The following PDE10A variants were observed in gnomAD, a reference collection of about 807,000 sequenced individuals.
PDE10A encodes the protein phosphodiesterase 10A.
A neutral mutation model predicts 97.7 loss-of-function variants in PDE10A; 39 were observed. That is an observed-to-expected ratio of 0.40 (90% confidence interval 0.31 to 0.52). The LOEUF is 0.52. Among genes scored for constraint, PDE10A ranks in the 20% least tolerant of loss-of-function variants. PDE10A has a pLI of 0.56. For missense variants in PDE10A, 731 were observed against 1,047.8 expected (o/e 0.70, Z 4.17); for synonymous variants, 371 against 376.8 (o/e 0.98, Z 0.18).
intron 1 of PDE10A, among the ~76,000 whole-genome samples, chr6:165,612,534 A>G (rs1583643558): frequency 6.6e-6 from 1 of 152,064 alleles, no homozygotes; most frequent in Non-Finnish European, 1.5e-5. Flanking sequence ...ATGTCCGGCT[A>G]ATTTTTGTAT....
At chr6:165,921,470 T>G (rs1181761047) in intron 1 of PDE10A, among the ~76,000 whole-genome samples, 1 of 152,192 alleles carries the variant, frequency 6.6e-6, no homozygotes, top group South Asian at 2.1e-4. Flanking sequence ...ATCATAAATT[T>G]TAGAATCATT....
intron 1 of PDE10A, among the ~76,000 whole-genome samples, chr6:165,796,070 G>A (rs1035832881): frequency 1.4e-5 from 2 of 147,782 alleles, no homozygotes; most frequent in Admixed American, 6.7e-5. Context: ...GCATTTGCAC[G>A]TCTTTTCTTT....
chr6:165,453,751 T>C (rs903355868), intron 3 of PDE10A, among the ~76,000 whole-genome samples: 2 of 152,194 alleles, frequency 1.3e-5, no homozygotes, highest in African/African-American at 4.8e-5. Context: ...AAGGATGTAG[T>C]AGTCAGCCTG....
intron 1 of PDE10A, among the ~76,000 whole-genome samples, chr6:165,801,658 A>G (rs1778991809): frequency 2.6e-5 from 4 of 152,132 alleles, no homozygotes; most frequent in South Asian, 2.1e-4. Context: ...CCACATTTAA[A>G]CCCTTTTCAA....
intron 1 of PDE10A, among the ~76,000 whole-genome samples, chr6:165,654,374 G>A (rs1215051629): frequency 1.4e-5 from 2 of 145,874 alleles, no homozygotes; most frequent in East Asian, 2.3e-4. Flanking sequence ...CCCAGGCCCC[G>A]CTCTCCTCCT....
At chr6:165,760,337 CA>C (rs1205824699) in intron 1 of PDE10A, among the ~76,000 whole-genome samples, 1 of 152,214 alleles carries the variant, frequency 6.6e-6, no homozygotes, top group Non-Finnish European at 1.5e-5. Context: ...TCATTTACTG[CA>C]GCCACCGAAA....
chr6:165,486,244 T>C (rs1245478741), intron 2 of PDE10A, among the ~76,000 whole-genome samples: 2 of 152,228 alleles, frequency 1.3e-5, no homozygotes, highest in Non-Finnish European at 2.9e-5. Flanking sequence ...TGCACTTTTG[T>C]TGCCAACGAA....
In PDE10A at chr6:165,346,538, C is replaced by T. The variant is rs117655055; in HGVS notation, c.2784-3036G>A. ...AACCTCAAAGAGGCGGGCACCTCTC[C>T]GCAGCGTGCATGTTTGCCTGCTAAG... On this transcript the variant is annotated intron_variant, in intron 18 of 21. Transcript: ENST00000539869. 4.7e-3 allele frequency among the ~76,000 whole-genome samples: 722 copies of T among 152,272 alleles called. 2 individuals carry two copies. The highest frequency in any genetic ancestry group is 8.9e-3 in the East Asian group (46 of 5,182).
Position 165,631,756 on chromosome 6 carries a change from A to G in PDE10A, c.865+30191T>C, listed in dbSNP as rs138474670. 3.6e-3 allele frequency among the ~76,000 whole-genome samples: 553 copies of G among 152,354 alleles called. 2 individuals carry two copies. Among genetic ancestry groups the G allele is most frequent in the African/African-American group, 0.012 (519 of 41,576 alleles). On this transcript the variant is annotated intron_variant, in intron 1 of 21. Transcript: ENST00000539869. ...GGTTGCCAAACCTGTGCAGTATGCTACAGATGCCCATCAGATATTCTATCT... is the reference window on the plus strand; with the variant it reads ...GGTTGCCAAACCTGTGCAGTATGCTGCAGATGCCCATCAGATATTCTATCT...
intron 1 of PDE10A, among the ~76,000 whole-genome samples, chr6:165,923,717 T>C (rs1320151946): frequency 6.6e-6 from 1 of 152,178 alleles, no homozygotes; most frequent in Non-Finnish European, 1.5e-5. Flanking sequence ...GAAACAGTTA[T>C]ACAATTTGGG....
chr6:165,328,361 A>T lies in PDE10A; in HGVS notation c.*4664T>A, dbSNP rs1781160860. 1 of 152,244 alleles carries T rather than the reference A, an allele frequency of 6.6e-6. No individual in the cohort carries two copies. The highest frequency in any genetic ancestry group is 1.5e-5 in the Non-Finnish European group (1 of 68,042). The allele number at this position is 152,244 out of a possible 1,614,324, so 9.4% of individuals were successfully genotyped here. A position where few individuals can be genotyped will look rare whatever the true frequency, so the allele number is the denominator to read the frequency against. On this transcript the variant is annotated 3_prime_UTR_variant, in exon 22 of 22. Coordinates refer to ENST00000539869, the MANE Select transcript of PDE10A (RefSeq NM_001385079.1). ...ACACTTTTAGAACCTAACTTACAATAGAAACAAAACCCTTCTGCTTAAACT... is the reference window on the plus strand; with the variant it reads ...ACACTTTTAGAACCTAACTTACAATTGAAACAAAACCCTTCTGCTTAAACT...
intron 1 of PDE10A, among the ~76,000 whole-genome samples, chr6:165,554,631 C>A (rs570004894): frequency 6.6e-6 from 1 of 152,098 alleles, no homozygotes; most frequent in East Asian, 1.9e-4. Flanking sequence ...AAAAATTGAG[C>A]TACCATATGA....
chr6:165,866,203 A>G (rs1287380341), intron 1 of PDE10A, among the ~76,000 whole-genome samples: 1 of 152,158 alleles, frequency 6.6e-6, no homozygotes, highest in East Asian at 1.9e-4. Context: ...CACCAGTAAG[A>G]GTTTAAATAT....
intron 1 of PDE10A, among the ~76,000 whole-genome samples, chr6:165,552,696 G>A (rs916575502): frequency 9.2e-5 from 14 of 152,078 alleles, no homozygotes; most frequent in African/African-American, 2.4e-4. Flanking sequence ...TTCCCTTTGC[G>A]GATTGTGCTT....
chr6:165,636,524 A>G (rs910803723), intron 1 of PDE10A, among the ~76,000 whole-genome samples: 1 of 152,212 alleles, frequency 6.6e-6, no homozygotes, highest in Admixed American at 6.5e-5. Flanking sequence ...TGCAGGCAAA[A>G]CCAGCCCTTA....
intron 4 of PDE10A, 27 bp downstream of exon 4, chr6:165,450,215 C>G: frequency 4.7e-6 from 7 of 1,496,630 alleles, no homozygotes; most frequent in Non-Finnish European, 6.3e-6. Flanking sequence ...CCCATTTTTT[C>G]TAACAGGAAC....
intron 1 of PDE10A, among the ~76,000 whole-genome samples, chr6:165,683,487 TAC>T (rs1318518306): frequency 2.0e-5 from 3 of 152,242 alleles, no homozygotes; most frequent in African/African-American, 7.2e-5. Flanking sequence ...CACGTTTCTC[TAC>T]ATATGCTGTG....
intron 1 of PDE10A, among the ~76,000 whole-genome samples, chr6:165,835,714 G>A (rs1780047545): frequency 6.6e-6 from 1 of 152,164 alleles, no homozygotes; most frequent in South Asian, 2.1e-4. Flanking sequence ...TGCACCTGGA[G>A]AACAGGGAGT....
At chr6:165,335,437 C>T (rs1781587317) in intron 21 of PDE10A, among the ~76,000 whole-genome samples, 1 of 152,112 alleles carries the variant, frequency 6.6e-6, no homozygotes, top group Non-Finnish European at 1.5e-5. Flanking sequence ...AAACTTCTTC[C>T]TCCTTTTTGG....
Sources: gnomAD v4.1 joint callset for allele counts (sites outside exome capture counted in the v4.1 genomes callset) on GRCh38, gnomAD v4.1.1 for gene constraint, MANE v1.5 for transcripts, NCBI Gene and HGNC (gene_info 2026-07-23, HGNC 2026-07-21) for gene names.